PPP1R9A: variants seen among roughly 807,000 people sequenced by gnomAD.
PPP1R9A encodes the protein neurabin-1.
In PPP1R9A, 59 loss-of-function variants were observed where a neutral mutation model predicts 141.9. That is an observed-to-expected ratio of 0.42 (90% CI 0.34 to 0.52). PPP1R9A has a LOEUF of 0.52. PPP1R9A is among the 20% of genes least tolerant of loss of function. The probability of loss-of-function intolerance (pLI) is 0.10; values close to 1 mark genes in which losing one functional copy is unlikely to be tolerated. For synonymous variants in PPP1R9A, 500 were observed against 569.7 expected (o/e 0.88, Z 1.74); for missense variants, 1,444 against 1,611.9 (o/e 0.90, Z 1.78).
chr7:95,269,217 G>A lies in PPP1R9A; in HGVS notation c.2834G>A (p.Ser945Asn), dbSNP rs1321781416. Residue 945 changes from serine to asparagine, a missense_variant, in exon 14 of 20, where the codon AGT becomes AAT. Physicochemically the swap from Ser to Asn is conservative, Grantham distance 46. Coordinates refer to ENST00000433360, the MANE Select transcript of PPP1R9A (RefSeq NM_001166160.2). Reference protein sequence around the residue: ...EDSLERKPSNSFYNHMHITKL... With the variant: ...EDSLERKPSNNFYNHMHITKL... ...CTCTTATACCAACAGCCATCAAACA[G>A]TTTCTATAACCACATGCATATTACC... The A allele has an allele frequency of 2.6e-6, 4 of 1,533,464 alleles. No individual in the cohort carries two copies. In the Admixed American group the frequency reaches 5.1e-5, roughly 19 times the overall value. The allele number at this position is 1,533,464 out of a possible 1,614,324, so 95.0% of individuals were successfully genotyped here. A position where few individuals can be genotyped will look rare whatever the true frequency, so the allele number is the denominator to read the frequency against.
At chr7:95,151,553 A>C (rs1446708284) in intron 4 of PPP1R9A, among the ~76,000 whole-genome samples, 1 of 152,190 alleles carries the variant, frequency 6.6e-6, no homozygotes, top group African/African-American at 2.4e-5. Flanking sequence ...GATACATGTC[A>C]TCCATCATAC....
chr7:95,016,015 T>C (rs1409094066), intron 2 of PPP1R9A, among the ~76,000 whole-genome samples: 3 of 152,140 alleles, frequency 2.0e-5, no homozygotes, highest in Non-Finnish European at 4.4e-5. Context: ...ATTGCGCTAC[T>C]GCACTTCAGC....
intron 7 of PPP1R9A, among the ~76,000 whole-genome samples, chr7:95,218,869 C>T (rs1302185669): frequency 6.6e-6 from 1 of 152,268 alleles, no homozygotes; most frequent in South Asian, 2.1e-4. Context: ...TGTCTCTGCA[C>T]ATGAGATGGG....
chr7:94,935,191 T>C (rs978332445), intron 2 of PPP1R9A, among the ~76,000 whole-genome samples: 2 of 152,166 alleles, frequency 1.3e-5, no homozygotes, highest in Non-Finnish European at 2.9e-5. Context: ...CTGCCTGAAA[T>C]TGGTCACCTT....
intron 2 of PPP1R9A, among the ~76,000 whole-genome samples, chr7:94,953,734 G>C (rs1323349542): frequency 1.3e-5 from 2 of 152,184 alleles, no homozygotes; most frequent in East Asian, 3.9e-4. Flanking sequence ...ATGAATGGAA[G>C]TTCACTCATG....
chr7:95,138,980 C>T (rs1353251518), intron 4 of PPP1R9A, among the ~76,000 whole-genome samples: 1 of 152,074 alleles, frequency 6.6e-6, no homozygotes, highest in Non-Finnish European at 1.5e-5. Flanking sequence ...CTTTTTGATC[C>T]AGCAATTCCA....
At chr7:95,248,067 G>T (rs1005480799) in intron 9 of PPP1R9A, among the ~76,000 whole-genome samples, 8 of 150,928 alleles carry the variant, frequency 5.3e-5, no homozygotes, top group African/African-American at 1.5e-4. Context: ...AAAAGGTCTT[G>T]ATAAAAGGGA....
At chr7:95,083,049 C>T (rs1001779133) in intron 2 of PPP1R9A, among the ~76,000 whole-genome samples, 5 of 151,914 alleles carry the variant, frequency 3.3e-5, no homozygotes, top group Non-Finnish European at 5.9e-5. Context: ...GCCACTGCGC[C>T]CAGCCGGGAT....
intron 2 of PPP1R9A, among the ~76,000 whole-genome samples, chr7:94,927,587 T>C (rs1793644302): frequency 6.6e-6 from 1 of 152,222 alleles, no homozygotes; most frequent in Admixed American, 6.5e-5. Flanking sequence ...TCTTCTGAGT[T>C]GATTGATAAA....
Position 95,226,127 on chromosome 7 carries a change from A to G in PPP1R9A, c.2112+11A>G. ...CACAAGTTCAAAGAGGTATGCCACTAAGCTGCAAAATATTTCTTTATGCCT... is the reference window on the plus strand; with the variant it reads ...CACAAGTTCAAAGAGGTATGCCACTGAGCTGCAAAATATTTCTTTATGCCT... On this transcript the variant is annotated intron_variant, in intron 8 of 19. Transcript: ENST00000433360. 1.2e-6 allele frequency: 2 copies of G among 1,605,016 alleles called. No homozygotes were observed. Among genetic ancestry groups the G allele is most frequent in the African/African-American group, 1.3e-5 (1 of 74,884 alleles).
intron 2 of PPP1R9A, among the ~76,000 whole-genome samples, chr7:95,006,468 C>T (rs1803615119): frequency 6.6e-6 from 1 of 151,996 alleles, no homozygotes; most frequent in African/African-American, 2.4e-5. Context: ...GCCTCAGCCT[C>T]CCAAAGTGCT....
At chr7:95,213,708 C>A (rs536238047) in intron 7 of PPP1R9A, among the ~76,000 whole-genome samples, 23 of 152,250 alleles carry the variant, frequency 1.5e-4, no homozygotes, top group African/African-American at 5.3e-4. Flanking sequence ...CATTTCTTAA[C>A]TGTAGACTTA....
chr7:95,206,017 A>G (rs1208465867), intron 7 of PPP1R9A, among the ~76,000 whole-genome samples: 1 of 152,206 alleles, frequency 6.6e-6, no homozygotes, highest in Admixed American at 6.5e-5. Flanking sequence ...TGGGAATATC[A>G]AAATAGCAAC....
intron 2 of PPP1R9A, among the ~76,000 whole-genome samples, chr7:95,017,323 T>A (rs1805241170): frequency 6.6e-6 from 1 of 152,188 alleles, no homozygotes; most frequent in African/African-American, 2.4e-5. Flanking sequence ...TTACAGATGT[T>A]ATGATTATTA....
intron 2 of PPP1R9A, among the ~76,000 whole-genome samples, chr7:95,049,149 G>A (rs1467547731): frequency 6.6e-6 from 1 of 152,110 alleles, no homozygotes; most frequent in African/African-American, 2.4e-5. Context: ...CACCATGCCG[G>A]AAAGAGATAT....
At chr7:95,039,239 T>C (rs1808866850) in intron 2 of PPP1R9A, among the ~76,000 whole-genome samples, 1 of 152,032 alleles carries the variant, frequency 6.6e-6, no homozygotes. Flanking sequence ...CAAGCACAGA[T>C]GGGCTATGTA....
chr7:95,162,075 C>A, intron 5 of PPP1R9A, 104 bp downstream of exon 5: 1 of 632,796 alleles, frequency 1.6e-6, no homozygotes, highest in South Asian at 3.3e-5. Flanking sequence ...ACAATTTTAC[C>A]TGAATAGTAA....
intron 2 of PPP1R9A, among the ~76,000 whole-genome samples, chr7:95,081,144 C>T (rs1361783993): frequency 1.3e-5 from 2 of 152,016 alleles, no homozygotes; most frequent in Non-Finnish European, 2.9e-5. Flanking sequence ...CATAATTTAA[C>T]CACATCCCAG....
chr7:94,993,809 C>T (rs183725689), intron 2 of PPP1R9A, among the ~76,000 whole-genome samples: 3 of 152,076 alleles, frequency 2.0e-5, no homozygotes, highest in African/African-American at 7.2e-5. Context: ...CCCAGACTGC[C>T]ATGTTGTCTG....
Sources: gnomAD v4.1 joint callset for allele counts (sites outside exome capture counted in the v4.1 genomes callset) on GRCh38, gnomAD v4.1.1 for gene constraint, MANE v1.5 for transcripts, NCBI Gene and HGNC (gene_info 2026-07-23, HGNC 2026-07-21) for gene names.